POFUT3: variants seen among roughly 807,000 people sequenced by gnomAD.
POFUT3 encodes the protein GDP-fucose protein O-fucosyltransferase 3.
the POFUT3 span, among the ~76,000 whole-genome samples, chr8:33,459,102 G>A: frequency 1.3e-5 from 2 of 152,188 alleles, no homozygotes; most frequent in African/African-American, 2.4e-5. Context: ...CACTTTGGGA[G>A]AACAAGGCAG....
At chr8:33,441,856 G>T in the POFUT3 span, among the ~76,000 whole-genome samples, 1 of 152,148 alleles carries the variant, frequency 6.6e-6, no homozygotes, top group Non-Finnish European at 1.5e-5. Context: ...CATTTCCAAA[G>T]GCCTCAATTG....
At chr8:33,437,088 G>A in the POFUT3 span, among the ~76,000 whole-genome samples, 3,391 of 152,284 alleles carry the variant, frequency 0.022, 66 homozygotes, top group East Asian at 0.084. Flanking sequence ...TGCTGTGGAG[G>A]ACATGATTTT....
At chr8:33,460,824 GT>G in the POFUT3 span, 3 of 797,508 alleles carry the variant, frequency 3.8e-6, no homozygotes, top group Non-Finnish European at 4.6e-6. Flanking sequence ...CCTGCCAGAG[GT>G]TTTTTACTGG....
the POFUT3 span, among the ~76,000 whole-genome samples, chr8:33,470,236 CAAAA>C: frequency 1.2e-4 from 11 of 89,072 alleles, no homozygotes; most frequent in African/African-American, 5.0e-4. Context: ...CCCATCTCTA[CAAAA>C]AAAAAAAAAA....
chr8:33,344,634 ATCT>A, the POFUT3 span, among the ~76,000 whole-genome samples: 1 of 152,214 alleles, frequency 6.6e-6, no homozygotes, highest in African/African-American at 2.4e-5. Flanking sequence ...TAATGCCCTG[ATCT>A]TCTTCCTTCA....
chr8:33,322,104 C>T, the POFUT3 span, among the ~76,000 whole-genome samples: 14 of 152,100 alleles, frequency 9.2e-5, no homozygotes, highest in African/African-American at 3.4e-4. Flanking sequence ...CCTGCTGGAG[C>T]TATCATTTGG....
the POFUT3 span, among the ~76,000 whole-genome samples, chr8:33,438,921 C>G: frequency 6.6e-6 from 1 of 151,092 alleles, no homozygotes; most frequent in Non-Finnish European, 1.5e-5. Context: ...CCCACTGGGT[C>G]TTTTCCACAA....
chr8:33,389,024 A>T, the POFUT3 span: 1 of 1,614,162 alleles, frequency 6.2e-7, no homozygotes, highest in Non-Finnish European at 8.5e-7. Context: ...AAATGCATCG[A>T]TGTAATTGTC....
chr8:33,309,181 T>A, the POFUT3 span, among the ~76,000 whole-genome samples: 6 of 106,082 alleles, frequency 5.7e-5, no homozygotes, highest in Non-Finnish European at 8.8e-5. Flanking sequence ...TATATATATA[T>A]ATATATATAT....
the POFUT3 span, among the ~76,000 whole-genome samples, chr8:33,380,109 T>TACTATATATATACACTATATATATAC: frequency 1.3e-5 from 1 of 74,134 alleles, no homozygotes; most frequent in Non-Finnish European, 2.2e-5. Flanking sequence ...ACTATATATA[T>TACTATATATATACACTATATATATAC]ACTATATATA....
the POFUT3 span, among the ~76,000 whole-genome samples, chr8:33,379,772 G>T: frequency 1.4e-5 from 2 of 146,462 alleles, no homozygotes; most frequent in African/African-American, 5.1e-5. Context: ...AAAGGCAGAG[G>T]TTGCAGTGGG....
At chr8:33,318,773 T>G in the POFUT3 span, among the ~76,000 whole-genome samples, 2 of 54,256 alleles carry the variant, frequency 3.7e-5, no homozygotes, top group Non-Finnish European at 5.6e-5. Flanking sequence ...GTATATATAT[T>G]TTATATATAT....
the POFUT3 span, among the ~76,000 whole-genome samples, chr8:33,352,313 C>T: frequency 2.0e-5 from 3 of 152,138 alleles, no homozygotes; most frequent in Non-Finnish European, 2.9e-5. Flanking sequence ...ACCACTCAGC[C>T]GGAGAATGAA....
At chr8:33,424,180 A>G in the POFUT3 span, among the ~76,000 whole-genome samples, 1 of 152,104 alleles carries the variant, frequency 6.6e-6, no homozygotes, top group African/African-American at 2.4e-5. Flanking sequence ...TTTTTAAGCC[A>G]TGGGAATTAG....
chr8:33,446,160 A>G, the POFUT3 span, among the ~76,000 whole-genome samples: 1 of 152,096 alleles, frequency 6.6e-6, no homozygotes, highest in South Asian at 2.1e-4. Context: ...GGGAATGCAA[A>G]AAGATACAAC....
the POFUT3 span, among the ~76,000 whole-genome samples, chr8:33,455,460 G>C: frequency 6.6e-6 from 1 of 152,128 alleles, no homozygotes. Flanking sequence ...GGAGTTCAAG[G>C]CTGCAGTGCG....
the POFUT3 span, among the ~76,000 whole-genome samples, chr8:33,422,827 A>AT: frequency 0.03 from 4,555 of 151,570 alleles, 100 homozygotes; most frequent in Non-Finnish European, 0.047. Context: ...TCAGAAATCC[A>AT]TTTTTTTTAG....
the POFUT3 span, among the ~76,000 whole-genome samples, chr8:33,315,159 G>A: frequency 6.6e-6 from 1 of 152,140 alleles, no homozygotes; most frequent in African/African-American, 2.4e-5. Context: ...ACACAGAAGT[G>A]AGCCTTGCCC....
At chr8:33,393,969 C>T in the POFUT3 span, among the ~76,000 whole-genome samples, 2 of 152,128 alleles carry the variant, frequency 1.3e-5, no homozygotes, top group East Asian at 1.9e-4. Context: ...ATTGCTTGAG[C>T]CCAGGAGTTC....
Sources: gnomAD v4.1 joint callset for allele counts (sites outside exome capture counted in the v4.1 genomes callset) on GRCh38, gnomAD v4.1.1 for gene constraint, MANE v1.5 for transcripts, NCBI Gene and HGNC (gene_info 2026-07-23, HGNC 2026-07-21) for gene names.